Variants in SNTG1 observed in about 807,000 individuals in gnomAD.
The protein encoded by SNTG1 is gamma-1-syntrophin.
Under a neutral mutation model 74.7 loss-of-function variants are expected in SNTG1, and 39 were observed. That is an observed-to-expected ratio of 0.52 (90% CI 0.40 to 0.68). The LOEUF (loss-of-function observed/expected upper bound fraction) is 0.68, where lower values mean the gene tolerates loss of function less well. SNTG1 is among the 30% of genes least tolerant of loss of function. SNTG1 has a pLI of 0.00. For missense variants in SNTG1, 685 were observed against 609.5 expected, an observed-to-expected ratio of 1.12 and a Z score of -1.30; for synonymous variants, 254 against 217.1, an observed-to-expected ratio of 1.17 and a Z score of -1.49.
At chr8:50,713,043 A>C (rs894203218) in intron 17 of SNTG1, among the ~76,000 whole-genome samples, 1 of 152,152 alleles carries the variant, frequency 6.6e-6, no homozygotes, top group African/African-American at 2.4e-5. Flanking sequence ...GTCAGATGGT[A>C]TTTCTGGTTC....
chr8:50,652,048 C>T (rs1485761319), intron 13 of SNTG1, among the ~76,000 whole-genome samples: 2 of 152,134 alleles, frequency 1.3e-5, no homozygotes, highest in Non-Finnish European at 2.9e-5. Context: ...CCACAACCGG[C>T]CTTAACTTCA....
At chr8:50,215,172 CGA>C (rs1334551533) in intron 2 of SNTG1, among the ~76,000 whole-genome samples, 1 of 151,942 alleles carries the variant, frequency 6.6e-6, no homozygotes, top group Non-Finnish European at 1.5e-5. Flanking sequence ...TAATTACAAT[CGA>C]GTGGAAGTCA....
intron 1 of SNTG1, among the ~76,000 whole-genome samples, chr8:49,933,527 A>C (rs909881575): frequency 1.3e-5 from 2 of 152,058 alleles, no homozygotes; most frequent in Non-Finnish European, 2.9e-5. Context: ...GGCCAACTGT[A>C]TTTATTTACT....
chr8:50,739,153 CA>C (rs747281222), intron 17 of SNTG1, among the ~76,000 whole-genome samples: 46 of 151,980 alleles, frequency 3.0e-4, no homozygotes, highest in South Asian at 1.2e-3. Context: ...AAAAGTTTTA[CA>C]ATCTATCAAT....
chr8:50,111,812 G>A (rs2080603801), intron 1 of SNTG1, among the ~76,000 whole-genome samples: 1 of 151,976 alleles, frequency 6.6e-6, no homozygotes, highest in Non-Finnish European at 1.5e-5. Context: ...CCAAATAACA[G>A]GAGTTGAAAT....
chr8:50,263,225 C>A (rs2087286344), intron 2 of SNTG1, among the ~76,000 whole-genome samples: 1 of 151,980 alleles, frequency 6.6e-6, no homozygotes, highest in South Asian at 2.1e-4. Flanking sequence ...TCTGTAACTT[C>A]TTTTTAATTT....
At chr8:50,779,735 A>G (rs2095652859) in intron 18 of SNTG1, among the ~76,000 whole-genome samples, 1 of 148,232 alleles carries the variant, frequency 6.7e-6, no homozygotes, top group East Asian at 2.0e-4. Context: ...AACTTCCAAC[A>G]CTATGTTGAA....
intron 1 of SNTG1, among the ~76,000 whole-genome samples, chr8:50,035,146 C>T (rs1456628747): frequency 6.6e-6 from 1 of 152,154 alleles, no homozygotes; most frequent in African/African-American, 2.4e-5. Flanking sequence ...TTCCTGAAAT[C>T]ACCCTCATTG....
intron 1 of SNTG1, among the ~76,000 whole-genome samples, chr8:49,935,392 C>CTT (rs35517917): frequency 0.025 from 3,284 of 132,112 alleles, 69 homozygotes; most frequent in African/African-American, 0.047. Flanking sequence ...CCATTAATTC[C>CTT]TTTTTTTTTT....
intron 1 of SNTG1, among the ~76,000 whole-genome samples, chr8:50,103,007 T>G (rs1437553144): frequency 6.6e-6 from 1 of 151,716 alleles, no homozygotes; most frequent in Non-Finnish European, 1.5e-5. Context: ...GCCTCCAGCT[T>G]TGTTCTTTTG....
intron 1 of SNTG1, among the ~76,000 whole-genome samples, chr8:49,953,754 G>A (rs1440928281): frequency 3.9e-5 from 6 of 152,042 alleles, no homozygotes; most frequent in Non-Finnish European, 8.8e-5. Flanking sequence ...ATGTCGGGTC[G>A]CCCATTGAGT....
chr8:50,682,908 T>C (rs960901672), intron 15 of SNTG1, among the ~76,000 whole-genome samples: 20 of 152,200 alleles, frequency 1.3e-4, no homozygotes, highest in Admixed American at 1.2e-3. Context: ...ACTTCACGCC[T>C]ATTTTCAAAT....
chr8:50,739,544 C>T (rs1476642585), intron 17 of SNTG1, among the ~76,000 whole-genome samples: 2 of 151,932 alleles, frequency 1.3e-5, no homozygotes, highest in South Asian at 4.1e-4. Flanking sequence ...ACCATTTGAC[C>T]CAGCAATCCA....
At chr8:50,618,022 C>T (rs1168382598) in intron 13 of SNTG1, among the ~76,000 whole-genome samples, 2 of 152,052 alleles carry the variant, frequency 1.3e-5, no homozygotes, top group East Asian at 1.9e-4. Context: ...GAAAGTCTGG[C>T]AGACAGCAAC....
intron 8 of SNTG1, among the ~76,000 whole-genome samples, chr8:50,475,044 A>G (rs2131777005): frequency 8.1e-6 from 1 of 122,796 alleles, no homozygotes; most frequent in Admixed American, 1.1e-4. Context: ...ACATGGACAC[A>G]GGAAGGGGAA....
intron 10 of SNTG1, among the ~76,000 whole-genome samples, chr8:50,535,273 G>A (rs1230836582): frequency 6.6e-6 from 1 of 152,112 alleles, no homozygotes; most frequent in Non-Finnish European, 1.5e-5. Context: ...TGGGAAACTG[G>A]TATTCAAATC....
chr8:50,604,817 C>A (rs1374366837), intron 13 of SNTG1, among the ~76,000 whole-genome samples: 2 of 152,108 alleles, frequency 1.3e-5, no homozygotes, highest in Non-Finnish European at 1.5e-5. Context: ...CAAAAGGATT[C>A]TTTCACCCTA....
chr8:50,238,988 A>G (rs2086047338), intron 2 of SNTG1, among the ~76,000 whole-genome samples: 1 of 152,178 alleles, frequency 6.6e-6, no homozygotes, highest in Non-Finnish European at 1.5e-5. Flanking sequence ...AAAGTCAAAA[A>G]ATAACAGATG....
chr8:50,010,936 T>C (rs1465037728), intron 1 of SNTG1, among the ~76,000 whole-genome samples: 1 of 152,040 alleles, frequency 6.6e-6, no homozygotes, highest in African/African-American at 2.4e-5. Context: ...CCATTGCTCA[T>C]TCATTTTAAT....
Sources: gnomAD v4.1 joint callset for allele counts (sites outside exome capture counted in the v4.1 genomes callset) on GRCh38, gnomAD v4.1.1 for gene constraint, MANE v1.5 for transcripts, NCBI Gene and HGNC (gene_info 2026-07-23, HGNC 2026-07-21) for gene names.